ZBTB7C: variants seen among roughly 807,000 people sequenced by gnomAD.
The protein encoded by ZBTB7C is zinc finger and BTB domain-containing protein 7C.
A neutral mutation model predicts 25.7 loss-of-function variants in ZBTB7C; 8 were observed. The observed-to-expected ratio is 0.31, with a 90% CI of 0.18 to 0.56. ZBTB7C has a LOEUF of 0.56. Ranked by LOEUF, ZBTB7C falls within the 20% of genes least tolerant of loss-of-function variation. The probability of loss-of-function intolerance (pLI) is 0.91; values close to 1 mark genes in which losing one functional copy is unlikely to be tolerated. For synonymous variants in ZBTB7C, 394 were observed against 369.0 expected (o/e 1.07, Z -0.78); for missense variants, 824 against 855.2 (o/e 0.96, Z 0.46).
chr18:48,217,968 G>T (rs2042864236), intron 2 of ZBTB7C, among the ~76,000 whole-genome samples: 1 of 152,150 alleles, frequency 6.6e-6, no homozygotes, highest in Admixed American at 6.5e-5. Flanking sequence ...TACCACAGTA[G>T]ACAGACCACA....
intron 2 of ZBTB7C, among the ~76,000 whole-genome samples, chr18:48,200,894 C>T (rs886723173): frequency 6.6e-6 from 1 of 152,224 alleles, no homozygotes; most frequent in African/African-American, 2.4e-5. Flanking sequence ...GACACGGTCC[C>T]ACTCACTGTG....
intron 3 of ZBTB7C, among the ~76,000 whole-genome samples, chr18:48,081,676 G>A (rs1299166139): frequency 6.6e-6 from 1 of 151,940 alleles, no homozygotes; most frequent in Non-Finnish European, 1.5e-5. Flanking sequence ...GCCTCCTGAG[G>A]TTCAACAGGG....
rs1349861670 is a variant in ZBTB7C at position 48,031,870 on chromosome 18, T to C, written c.1209-1959A>G. Among the ~76,000 whole-genome samples, 4 of 152,166 alleles carry C rather than the reference T, an allele frequency of 2.6e-5. No homozygotes were observed. In the East Asian group the frequency reaches 7.7e-4, roughly 29 times the overall value. On this transcript the variant is annotated intron_variant, in intron 4 of 4. Transcript: ENST00000590800. ...GGCCTCTTTTCTCACCACAGCACTG[T>C]GACTGTGAAAATGGAAGTGTCGGGT...
chr18:48,318,433 G>A (rs1176797900), intron 2 of ZBTB7C, among the ~76,000 whole-genome samples: 1 of 151,956 alleles, frequency 6.6e-6, no homozygotes, highest in Non-Finnish European at 1.5e-5. Context: ...CTTCCCGGCT[G>A]GTCAGGGAGG....
chr18:48,408,578 G>T (rs1475768320), intron 1 of ZBTB7C: 1 of 152,248 alleles, frequency 6.6e-6, no homozygotes, highest in Non-Finnish European at 1.5e-5. Flanking sequence ...ACTCTGCTCA[G>T]ATCTCATCGA....
upstream of ZBTB7C, among the ~76,000 whole-genome samples, chr18:48,411,900 C>T (rs2048385678): frequency 6.6e-6 from 1 of 152,214 alleles, no homozygotes; most frequent in Non-Finnish European, 1.5e-5. Flanking sequence ...CCAGTGAGTG[C>T]TGTAAGATTT....
At chr18:48,075,162 C>A (rs2037713195) in intron 3 of ZBTB7C, among the ~76,000 whole-genome samples, 1 of 152,178 alleles carries the variant, frequency 6.6e-6, no homozygotes, top group South Asian at 2.1e-4. Flanking sequence ...GTGCTACAGG[C>A]ATTAGCATGA....
intron 2 of ZBTB7C, among the ~76,000 whole-genome samples, chr18:48,189,777 G>T (rs949626569): frequency 2.6e-5 from 4 of 152,180 alleles, no homozygotes; most frequent in African/African-American, 9.7e-5. Context: ...GCTCTCATTA[G>T]ATCATTAAGG....
intron 3 of ZBTB7C, among the ~76,000 whole-genome samples, chr18:48,183,631 A>G (rs753708778): frequency 1.1e-4 from 16 of 152,214 alleles, no homozygotes; most frequent in Non-Finnish European, 2.4e-4. Flanking sequence ...GCTCACACGC[A>G]TGAGAATAAA....
At position 48,334,206 on chromosome 18, in the gene ZBTB7C, C is replaced by A. The variant is rs187674965; in HGVS notation, c.-79+3968G>T. On this transcript the variant is annotated intron_variant, in intron 2 of 4. Coordinates refer to ENST00000590800, the MANE Select transcript of ZBTB7C (RefSeq NM_001318841.2). ...CTCAGGAGGATTGGCTAGAGACCCC[C>A]CACACACAACAGGCTGAGGGAAAGT... 4.3e-3 allele frequency among the ~76,000 whole-genome samples: 649 copies of A among 152,220 alleles called. 1 individual carries two copies. Among genetic ancestry groups the A allele is most frequent in the Non-Finnish European group, 6.0e-3 (408 of 68,006 alleles).
chr18:48,309,915 T>C (rs1386040291), intron 2 of ZBTB7C, among the ~76,000 whole-genome samples: 2 of 152,188 alleles, frequency 1.3e-5, no homozygotes, highest in Admixed American at 6.5e-5. Flanking sequence ...GTCAAGTGCC[T>C]GGCACATAGT....
intron 3 of ZBTB7C, among the ~76,000 whole-genome samples, chr18:48,166,201 A>AATC (rs1405292710): frequency 6.0e-5 from 5 of 82,982 alleles, no homozygotes; most frequent in African/African-American, 2.4e-4. Context: ...TCATCAACCC[A>AATC]AACAACTCTG....
intron 3 of ZBTB7C, among the ~76,000 whole-genome samples, chr18:48,080,137 G>A (rs1320983383): frequency 6.6e-6 from 1 of 152,220 alleles, no homozygotes; most frequent in African/African-American, 2.4e-5. Context: ...AGCCCCAGAT[G>A]GGATCAGCCC....
At chr18:48,269,698 C>T (rs973152953) in intron 2 of ZBTB7C, among the ~76,000 whole-genome samples, 1 of 152,202 alleles carries the variant, frequency 6.6e-6, no homozygotes, top group Admixed American at 6.5e-5. Flanking sequence ...ATAGGGACAC[C>T]TGGGACCACA....
chr18:48,047,268 C>A (rs1044778524), intron 3 of ZBTB7C, among the ~76,000 whole-genome samples: 1 of 152,134 alleles, frequency 6.6e-6, no homozygotes, highest in Non-Finnish European at 1.5e-5. Flanking sequence ...GCCTTCCATC[C>A]CTTTGCCTCC....
At chr18:48,351,756 C>T (rs1043654894) in intron 1 of ZBTB7C, among the ~76,000 whole-genome samples, 6 of 152,194 alleles carry the variant, frequency 3.9e-5, no homozygotes, top group Non-Finnish European at 8.8e-5. Context: ...TAAGATTTCA[C>T]AGCAGCCAGA....
At chr18:48,366,538 G>A (rs149756012) in intron 1 of ZBTB7C, among the ~76,000 whole-genome samples, 16 of 152,226 alleles carry the variant, frequency 1.1e-4, no homozygotes, top group East Asian at 5.8e-4. Flanking sequence ...TACATGGCAC[G>A]CAGTGGACTA....
intron 1 of ZBTB7C, among the ~76,000 whole-genome samples, chr18:48,386,336 T>A (rs911681579): frequency 6.6e-6 from 1 of 152,208 alleles, no homozygotes; most frequent in African/African-American, 2.4e-5. Flanking sequence ...ATGCTGAGCG[T>A]CCACAGGGGA....
In ZBTB7C at chr18:48,029,231, C is replaced by A; in HGVS notation, c.*29G>T. ...GCCTGGAGGGAGAAGGACTGGAGGG[C>A]TGGTGGGCTGGAGCCGACAGGGACC... is the stretch of plus-strand genomic sequence containing the variant. On this transcript the variant is annotated 3_prime_UTR_variant, in exon 5 of 5. Transcript: ENST00000590800. 6.6e-7 allele frequency: 1 copy of A among 1,521,790 alleles called. No individual in the cohort carries two copies. 94.3% of individuals were successfully genotyped at this position (1,521,790 alleles called of 1,614,324 possible). A position where few individuals can be genotyped will look rare whatever the true frequency, so the allele number is the denominator to read the frequency against.
Sources: gnomAD v4.1 joint callset for allele counts (sites outside exome capture counted in the v4.1 genomes callset) on GRCh38, gnomAD v4.1.1 for gene constraint, MANE v1.5 for transcripts, NCBI Gene and HGNC (gene_info 2026-07-23, HGNC 2026-07-21) for gene names.